MRTFB: variants seen among roughly 807,000 people sequenced by gnomAD.
The protein encoded by MRTFB is myocardin-related transcription factor B.
In MRTFB, 29 loss-of-function variants were observed where a neutral mutation model predicts 104.2. The observed-to-expected ratio is 0.28, with a 90% CI of 0.21 to 0.38. The LOEUF (loss-of-function observed/expected upper bound fraction) is 0.38. MRTFB is among the 10% of genes least tolerant of loss of function. The pLI is 1.00. For synonymous variants in MRTFB, 535 were observed against 519.5 expected (o/e 1.03, Z -0.41); for missense variants, 1,270 against 1,341.6 (o/e 0.95, Z 0.83).
the MRTFB span, among the ~76,000 whole-genome samples, chr16:14,042,485 G>A: frequency 6.6e-6 from 1 of 152,128 alleles, no homozygotes; most frequent in African/African-American, 2.4e-5. Flanking sequence ...ATACCTCCAT[G>A]AGAACAAGCA....
At chr16:14,128,389 C>T (rs1035436817) in intron 2 of MRTFB, among the ~76,000 whole-genome samples, 1 of 152,190 alleles carries the variant, frequency 6.6e-6, no homozygotes, top group African/African-American at 2.4e-5. Flanking sequence ...AGCTGGCCCA[C>T]ATTCCTGGAA....
chr16:14,244,589 A>C (rs531426281), intron 10 of MRTFB, among the ~76,000 whole-genome samples: 1 of 152,308 alleles, frequency 6.6e-6, no homozygotes, highest in Non-Finnish European at 1.5e-5. Flanking sequence ...CTTACTCATT[A>C]TATCAATTCC....
At chr16:14,127,929 AT>A (rs67001306) in intron 2 of MRTFB, among the ~76,000 whole-genome samples, 1,621 of 43,554 alleles carry the variant, frequency 0.037, 6 homozygotes, top group East Asian at 0.053. Context: ...ATATATATAT[AT>A]TTTTTTTTTT....
intron 3 of MRTFB, among the ~76,000 whole-genome samples, chr16:14,156,864 A>G (rs966828705): frequency 6.6e-6 from 1 of 152,182 alleles, no homozygotes; most frequent in Non-Finnish European, 1.5e-5. Context: ...CTTTCTTGTC[A>G]GGATAATCTA....
chr16:14,227,430 A>C (rs530384552), intron 8 of MRTFB, among the ~76,000 whole-genome samples: 2 of 152,334 alleles, frequency 1.3e-5, no homozygotes, highest in African/African-American at 2.4e-5. Flanking sequence ...CCAGATGCAC[A>C]TGCTGGTGCC....
chr16:13,998,871 C>CAAAAAAAAA, the MRTFB span, among the ~76,000 whole-genome samples: 15 of 29,686 alleles, frequency 5.1e-4, 5 homozygotes, highest in Non-Finnish European at 9.7e-4. Context: ...GACTCTGTTT[C>CAAAAAAAAA]AAAAAAAAAA....
the MRTFB span, among the ~76,000 whole-genome samples, chr16:14,031,318 G>T: frequency 6.6e-6 from 1 of 151,914 alleles, no homozygotes; most frequent in Non-Finnish European, 1.5e-5. Flanking sequence ...TGGAACCTGG[G>T]AGGCGGAGGA....
chr16:14,003,644 C>CCTG, the MRTFB span, among the ~76,000 whole-genome samples: 35 of 10,512 alleles, frequency 3.3e-3, no homozygotes, highest in Non-Finnish European at 0.011. Flanking sequence ...CTGCCTGCCT[C>CCTG]CCTCCCTCCC....
the MRTFB span, among the ~76,000 whole-genome samples, chr16:14,053,535 AG>A: frequency 6.6e-6 from 1 of 152,088 alleles, no homozygotes; most frequent in South Asian, 2.1e-4. Context: ...GTTCGAGACC[AG>A]TCTGGCCAAC....
upstream of MRTFB, among the ~76,000 whole-genome samples, chr16:14,067,951 C>T (rs958544023): frequency 6.6e-6 from 1 of 152,164 alleles, no homozygotes; most frequent in Non-Finnish European, 1.5e-5. Flanking sequence ...TGTGCCTCAG[C>T]ATCCCAAGTA....
At chr16:14,107,708 C>T (rs2036058722) in intron 2 of MRTFB, among the ~76,000 whole-genome samples, 2 of 152,148 alleles carry the variant, frequency 1.3e-5, no homozygotes, top group Non-Finnish European at 2.9e-5. Flanking sequence ...GCTCCTCCAC[C>T]TCCGTGAGCT....
chr16:14,198,190 A>G (rs1267470822), intron 3 of MRTFB, among the ~76,000 whole-genome samples: 2 of 152,232 alleles, frequency 1.3e-5, no homozygotes, highest in African/African-American at 4.8e-5. Context: ...ATAATATTCC[A>G]TTGTATGGAT....
At chr16:14,074,382 G>A (rs566092108) in intron 1 of MRTFB, among the ~76,000 whole-genome samples, 1 of 152,272 alleles carries the variant, frequency 6.6e-6, no homozygotes, top group East Asian at 1.9e-4. Context: ...GATTGAAAAT[G>A]TTCCATTTTT....
intron 8 of MRTFB, among the ~76,000 whole-genome samples, chr16:14,233,669 A>AAG (rs1286947785): frequency 1.3e-5 from 2 of 150,690 alleles, no homozygotes; most frequent in East Asian, 3.9e-4. Context: ...ACATGCCTGT[A>AAG]GTTCCAGATA....
intron 2 of MRTFB, among the ~76,000 whole-genome samples, chr16:14,119,932 T>C (rs2036755601): frequency 6.6e-6 from 1 of 152,190 alleles, no homozygotes; most frequent in South Asian, 2.1e-4. Flanking sequence ...AGAGCAGCTT[T>C]GAGGTTTCAG....
At chr16:14,126,832 C>T (rs1307657758) in intron 2 of MRTFB, among the ~76,000 whole-genome samples, 2 of 152,148 alleles carry the variant, frequency 1.3e-5, no homozygotes, top group Non-Finnish European at 2.9e-5. Flanking sequence ...AAACTTTAAC[C>T]ATCACAGTTC....
At chr16:14,139,009 G>A (rs1313928380) in intron 2 of MRTFB, among the ~76,000 whole-genome samples, 1 of 152,016 alleles carries the variant, frequency 6.6e-6, no homozygotes, top group Non-Finnish European at 1.5e-5. Flanking sequence ...ATTACCTTGA[G>A]CTAATCAAAG....
chr16:14,153,210 T>C (rs1023362610), intron 3 of MRTFB: 1 of 152,206 alleles, frequency 6.6e-6, no homozygotes, highest in African/African-American at 2.4e-5. Flanking sequence ...GTTTAAAATA[T>C]AAATAAAATG....
the MRTFB span, among the ~76,000 whole-genome samples, chr16:14,025,671 G>A: frequency 6.6e-6 from 1 of 152,134 alleles, no homozygotes; most frequent in African/African-American, 2.4e-5. Context: ...ATAGGGACAT[G>A]GAAGTCTGTG....
Sources: allele counts gnomAD v4.1 joint callset (sites outside exome capture counted in the v4.1 genomes callset), GRCh38; gene constraint gnomAD v4.1.1; transcripts MANE v1.5; gene names NCBI Gene and HGNC (gene_info 2026-07-23, HGNC 2026-07-21).